The following MDGA2 variants were observed in gnomAD, a reference collection of about 807,000 sequenced individuals.
The protein encoded by MDGA2 is MAM domain containing glycosylphosphatidylinositol anchor 2.
Under a neutral mutation model 117.8 loss-of-function variants are expected in MDGA2, and 40 were observed. That is an observed-to-expected ratio of 0.34 (90% CI 0.26 to 0.44). The LOEUF is 0.44. Ranked by LOEUF, MDGA2 falls within the 20% of genes least tolerant of loss-of-function variation. The pLI is 1.00. For synonymous variants in MDGA2, 452 were observed against 439.0 expected (o/e 1.03, Z -0.37); for missense variants, 1,123 against 1,250.6 (o/e 0.90, Z 1.54).
intron 1 of MDGA2, among the ~76,000 whole-genome samples, chr14:47,400,123 A>G (rs1892103295): frequency 6.6e-6 from 1 of 152,194 alleles, no homozygotes; most frequent in Non-Finnish European, 1.5e-5. Flanking sequence ...ATTTAAAAGT[A>G]TATATTTATT....
At chr14:47,384,019 G>GATAGATA (rs879472457) in intron 1 of MDGA2, among the ~76,000 whole-genome samples, 270 of 107,096 alleles carry the variant, frequency 2.5e-3, no homozygotes, top group African/African-American at 8.7e-3. Context: ...ATAGATAATA[G>GATAGATA]ATAGATTAGA....
chr14:47,067,422 G>A (rs1539223), intron 6 of MDGA2, among the ~76,000 whole-genome samples: 100 of 152,204 alleles, frequency 6.6e-4, no homozygotes, highest in Admixed American at 3.5e-3. Flanking sequence ...TGAGCATCAC[G>A]AAATAATCAG....
At chr14:47,633,395 A>T (rs1897271893) in intron 1 of MDGA2, among the ~76,000 whole-genome samples, 1 of 152,246 alleles carries the variant, frequency 6.6e-6, no homozygotes, top group Admixed American at 6.5e-5. Context: ...CACTTTTAAA[A>T]GCTGCTCCTG....
At chr14:47,632,325 T>C (rs780063105) in intron 1 of MDGA2, among the ~76,000 whole-genome samples, 2 of 152,204 alleles carry the variant, frequency 1.3e-5, no homozygotes, top group African/African-American at 2.4e-5. Context: ...CATCCAATCA[T>C]TGAGTCCAAA....
At chr14:47,398,507 A>G (rs968362239) in intron 1 of MDGA2, among the ~76,000 whole-genome samples, 3 of 152,172 alleles carry the variant, frequency 2.0e-5, no homozygotes, top group Admixed American at 6.5e-5. Flanking sequence ...CTATATATTT[A>G]TACATTTTCT....
Position 47,422,967 on chromosome 14 carries a change from GTTAATC to G in MDGA2, c.281-121423_281-121418del, listed in dbSNP as rs569565017. The stretch of plus-strand genomic sequence containing the variant: ...GATATTCAGACGACAGATTTTACCT[GTTAATC>G]TTAAACGATTATTAATTTCCTTTTT... On this transcript the variant is annotated intron_variant, in intron 1 of 16. Transcript: ENST00000399232. Among the ~76,000 whole-genome samples, 34 of 152,252 alleles carry G rather than the reference GTTAATC, an allele frequency of 2.2e-4. No homozygotes were observed. The South Asian group carries it at 6.4e-3, about 29-fold the overall frequency.
At chr14:47,665,962 T>C (rs893353406) in intron 1 of MDGA2, among the ~76,000 whole-genome samples, 15 of 151,696 alleles carry the variant, frequency 9.9e-5, no homozygotes, top group Non-Finnish European at 1.8e-4. Flanking sequence ...CACACAGGAC[T>C]GGCAGGCAGC....
intron 3 of MDGA2, among the ~76,000 whole-genome samples, chr14:47,180,524 G>A (rs1053714131): frequency 1.3e-5 from 2 of 151,906 alleles, no homozygotes; most frequent in Admixed American, 6.6e-5. Context: ...ATAAAAAGTG[G>A]ACAAAGTTTT....
intron 3 of MDGA2, among the ~76,000 whole-genome samples, chr14:47,200,139 T>C (rs1885437172): frequency 6.6e-6 from 1 of 151,964 alleles, no homozygotes; most frequent in African/African-American, 2.4e-5. Context: ...ATATATGTGT[T>C]TACATATGTA....
At chr14:47,648,953 ACAGC>A (rs1897587412) in intron 1 of MDGA2, among the ~76,000 whole-genome samples, 1 of 152,166 alleles carries the variant, frequency 6.6e-6, no homozygotes, top group Admixed American at 6.6e-5. Flanking sequence ...AATTGTACCT[ACAGC>A]TATCACATTA....
intron 3 of MDGA2, among the ~76,000 whole-genome samples, chr14:47,191,292 A>T (rs1366718036): frequency 1.3e-5 from 2 of 151,542 alleles, no homozygotes; most frequent in African/African-American, 4.8e-5. Flanking sequence ...ATATATCTAT[A>T]TTTTTAAAGA....
At chr14:47,227,378 T>G (rs2139557160) in intron 2 of MDGA2, among the ~76,000 whole-genome samples, 1 of 152,270 alleles carries the variant, frequency 6.6e-6, no homozygotes, top group Admixed American at 6.5e-5. Context: ...CCCCAATTTA[T>G]TTGCAGTGTC....
intron 1 of MDGA2, among the ~76,000 whole-genome samples, chr14:47,589,508 C>A (rs1896396039): frequency 6.6e-6 from 1 of 151,940 alleles, no homozygotes; most frequent in Non-Finnish European, 1.5e-5. Context: ...GAGTTTATTG[C>A]CAGACTCTAA....
At chr14:47,144,814 A>ACTTTTTTT in intron 3 of MDGA2, among the ~76,000 whole-genome samples, 1 of 100,236 alleles carries the variant, frequency 1.0e-5, no homozygotes, top group African/African-American at 4.8e-5. Flanking sequence ...ATGCCCGGCT[A>ACTTTTTTT]ATTTTTTTTT....
intron 8 of MDGA2, among the ~76,000 whole-genome samples, chr14:47,015,132 C>A (rs1888036207): frequency 6.6e-6 from 1 of 152,000 alleles, no homozygotes; most frequent in Non-Finnish European, 1.5e-5. Flanking sequence ...AGTCAGAACA[C>A]AATATTTAAC....
chr14:47,320,176 A>G (rs1407004845), intron 1 of MDGA2, among the ~76,000 whole-genome samples: 2 of 152,174 alleles, frequency 1.3e-5, no homozygotes, highest in East Asian at 1.9e-4. Context: ...AAAGCCATCC[A>G]GTTTGCAGTA....
intron 1 of MDGA2, among the ~76,000 whole-genome samples, chr14:47,599,431 A>G (rs1208473431): frequency 6.6e-6 from 1 of 152,080 alleles, no homozygotes; most frequent in African/African-American, 2.4e-5. Flanking sequence ...ACACACAGCT[A>G]TTTACTGCAT....
chr14:46,933,992 A>AT (rs961917770), intron 9 of MDGA2, among the ~76,000 whole-genome samples: 20 of 151,322 alleles, frequency 1.3e-4, no homozygotes, highest in African/African-American at 4.6e-4. Context: ...TACATGTCAA[A>AT]TTTTTTCTCA....
chr14:47,496,354 C>A (rs554122258), intron 1 of MDGA2, among the ~76,000 whole-genome samples: 4 of 152,186 alleles, frequency 2.6e-5, no homozygotes, highest in African/African-American at 9.6e-5. Flanking sequence ...ACAATCCTAC[C>A]ACCTCAGCCT....
Sources: allele counts gnomAD v4.1 joint callset (sites outside exome capture counted in the v4.1 genomes callset), GRCh38; gene constraint gnomAD v4.1.1; transcripts MANE v1.5; gene names NCBI Gene and HGNC (gene_info 2026-07-23, HGNC 2026-07-21).